The following ZNF536 variants were observed in gnomAD, a reference collection of about 807,000 sequenced individuals.
ZNF536 encodes the protein zinc finger protein 536.
In ZNF536, 13 loss-of-function variants were observed where a neutral mutation model predicts 84.5. The observed-to-expected ratio is 0.15, with a 90% CI of 0.10 to 0.24. The LOEUF (loss-of-function observed/expected upper bound fraction) is 0.24, where lower values mean the gene tolerates loss of function less well. ZNF536 is among the 10% of genes least tolerant of loss of function. The pLI is 1.00. For missense variants in ZNF536, 1,536 were observed against 1,747.5 expected (o/e 0.88, Z 2.16); for synonymous variants, 811 against 742.5 (o/e 1.09, Z -1.50).
chr19:30,676,549 T>C (rs1013151394), intron 1 of ZNF536, among the ~76,000 whole-genome samples: 4 of 152,248 alleles, frequency 2.6e-5, no homozygotes, highest in African/African-American at 9.6e-5. Context: ...TTCAAATCAG[T>C]TTAATAAAAT....
rs562650412 is a variant in ZNF536, at chr19:30,322,238, G to T, written c.-119-30130G>T. Among the ~76,000 whole-genome samples the T allele has an allele frequency of 2.7e-4, 41 of 152,264 alleles. 1 individual carries two copies. In the South Asian group the frequency reaches 7.7e-3, roughly 28 times the overall value. ...AGCTGCCGTTTTTCATTGAATAGAT[G>T]TGCCATAATTTATATCATAATTCTT... is the stretch of plus-strand genomic sequence containing the variant. On this transcript the variant is annotated intron_variant, in intron 2 of 5. Transcript: ENST00000585628.
At chr19:30,305,462 C>T (rs953310790) in intron 2 of ZNF536, among the ~76,000 whole-genome samples, 3 of 152,126 alleles carry the variant, frequency 2.0e-5, no homozygotes, top group African/African-American at 4.8e-5. Flanking sequence ...GTGATCTGAG[C>T]GGTGAGCAGC....
chr19:30,469,539 T>C (rs2148505087), intron 2 of ZNF536, among the ~76,000 whole-genome samples: 1 of 152,226 alleles, frequency 6.6e-6, no homozygotes, highest in Admixed American at 6.5e-5. Flanking sequence ...TACAAGCCAA[T>C]ACACCTGGAT....
chr19:30,711,902 GA>G (rs1036407255), exon 2 of ZNF536: 5 of 151,936 alleles, frequency 3.3e-5, no homozygotes, highest in African/African-American at 9.7e-5. Context: ...ATAATAGAAA[GA>G]TTTTTTTACT....
chr19:30,231,210 A>G (rs2023012860), intron 1 of ZNF536, among the ~76,000 whole-genome samples: 1 of 152,230 alleles, frequency 6.6e-6, no homozygotes, highest in Non-Finnish European at 1.5e-5. Context: ...GTCCATATGA[A>G]GGAGAGAAGC....
intron 3 of ZNF536, among the ~76,000 whole-genome samples, chr19:30,355,506 G>C (rs564704775): frequency 6.6e-6 from 1 of 152,048 alleles, no homozygotes; most frequent in African/African-American, 2.4e-5. Flanking sequence ...CCGTGCCTTA[G>C]CCTCCCAAGT....
At position 30,639,391 on chromosome 19, in the gene ZNF536, G is replaced by A. The variant is rs138737752; in HGVS notation, c.170-71366G>A. On this transcript the variant is annotated intron_variant, in intron 1 of 1. Coordinates refer to the ZNF536 transcript ENST00000592773. The stretch of plus-strand genomic sequence containing the variant: ...AAAGAGTATTAATGGGACATTTTAC[G>A]TGTCTTTTTTGTACTAAGTCTTGGA... 8.0e-3 allele frequency among the ~76,000 whole-genome samples: 1,218 copies of A among 152,258 alleles called. 15 individuals carry two copies. Among genetic ancestry groups the A allele is most frequent in the African/African-American group, 0.028 (1,176 of 41,538 alleles).
chr19:30,560,124 C>A (rs959398141), downstream of ZNF536, among the ~76,000 whole-genome samples: 6 of 152,022 alleles, frequency 3.9e-5, no homozygotes, highest in African/African-American at 1.4e-4. Context: ...ATCCCGTCTT[C>A]TGCCTGCCGG....
intron 1 of ZNF536, among the ~76,000 whole-genome samples, chr19:30,620,986 G>A (rs1045891213): frequency 2.6e-5 from 4 of 151,958 alleles, no homozygotes; most frequent in Non-Finnish European, 5.9e-5. Context: ...CAAAAGGAAG[G>A]GGCTTCTAAT....
chr19:30,470,623 C>T (rs879733551), intron 2 of ZNF536, among the ~76,000 whole-genome samples: 1 of 151,672 alleles, frequency 6.6e-6, no homozygotes, highest in African/African-American at 2.4e-5. Context: ...TTAGACTTTC[C>T]TTGTTTTTGA....
downstream of ZNF536, among the ~76,000 whole-genome samples, chr19:30,559,630 C>T (rs955545522): frequency 3.9e-5 from 6 of 152,192 alleles, no homozygotes; most frequent in Admixed American, 2.6e-4. Flanking sequence ...TTTGCCAGTC[C>T]TCCTGGGATG....
chr19:30,525,549 G>A (rs1426547239), intron 2 of ZNF536, among the ~76,000 whole-genome samples: 1 of 152,206 alleles, frequency 6.6e-6, no homozygotes, highest in Non-Finnish European at 1.5e-5. Flanking sequence ...ATTCTAGGAA[G>A]GGGACAGGCA....
intron 1 of ZNF536, among the ~76,000 whole-genome samples, chr19:30,392,832 A>G (rs888355614): frequency 6.6e-6 from 1 of 152,204 alleles, no homozygotes; most frequent in Non-Finnish European, 1.5e-5. Flanking sequence ...ATTAGTGCAT[A>G]GTTAGATCAA....
upstream of ZNF536, among the ~76,000 whole-genome samples, chr19:30,369,105 A>G (rs1364734142): frequency 6.6e-6 from 1 of 152,142 alleles, no homozygotes; most frequent in Non-Finnish European, 1.5e-5. Flanking sequence ...GCTCTTTGGA[A>G]CTGAGGTGCT....
chr19:30,594,455 A>T (rs2047379333), intron 1 of ZNF536, among the ~76,000 whole-genome samples: 1 of 152,122 alleles, frequency 6.6e-6, no homozygotes, highest in Non-Finnish European at 1.5e-5. Context: ...CCCGTGTGAA[A>T]GTGGTGACCT....
chr19:30,407,597 CCT>C (rs2050315727), intron 1 of ZNF536, among the ~76,000 whole-genome samples: 1 of 152,186 alleles, frequency 6.6e-6, no homozygotes, highest in African/African-American at 2.4e-5. Context: ...TCCAAAATCC[CCT>C]GTTTGTGTTC....
chr19:30,306,164 G>A (rs2046337366), intron 2 of ZNF536, among the ~76,000 whole-genome samples: 2 of 151,344 alleles, frequency 1.3e-5, no homozygotes, highest in African/African-American at 4.9e-5. Context: ...AGCTGACCAG[G>A]CCAGTGTGTG....
intron 2 of ZNF536, among the ~76,000 whole-genome samples, chr19:30,329,039 C>T (rs188578599): frequency 1.2e-3 from 182 of 152,272 alleles, no homozygotes; most frequent in Admixed American, 2.3e-3. Context: ...TTTGTTCAAA[C>T]GGATCTTCTT....
exon 2 of ZNF536, chr19:30,712,363 T>C (rs1189784434): frequency 6.6e-6 from 1 of 152,060 alleles, no homozygotes; most frequent in East Asian, 1.9e-4. Flanking sequence ...AAATTGGTGC[T>C]GTTGCTTGTG....
Sources: allele counts gnomAD v4.1 joint callset (sites outside exome capture counted in the v4.1 genomes callset), GRCh38; gene constraint gnomAD v4.1.1; transcripts MANE v1.5; gene names NCBI Gene and HGNC (gene_info 2026-07-23, HGNC 2026-07-21).